The following UCHL5 variants were observed in gnomAD, a reference collection of about 807,000 sequenced individuals.
UCHL5 encodes the protein ubiquitin carboxyl-terminal hydrolase isozyme L5.
Under a neutral mutation model 53.8 loss-of-function variants are expected in UCHL5, and 34 were observed. That is an observed-to-expected ratio of 0.63 (90% CI 0.48 to 0.84). UCHL5 has a LOEUF of 0.84. Among genes scored for constraint, UCHL5 ranks in the 40% least tolerant of loss-of-function variants. The pLI, the probability that UCHL5 is intolerant of heterozygous loss-of-function variation, is 0.00. For missense variants in UCHL5, 290 were observed against 385.6 expected, an observed-to-expected ratio of 0.75 and a Z score of 2.08; for synonymous variants, 111 against 126.3, an observed-to-expected ratio of 0.88 and a Z score of 0.81.
At chr1:193,058,601 T>C (rs1671590159) in intron 1 of UCHL5, among the ~76,000 whole-genome samples, 1 of 152,194 alleles carries the variant, frequency 6.6e-6, no homozygotes, top group Admixed American at 6.5e-5. Context: ...AAGCCAGAAA[T>C]GAGCAGAGAG....
chr1:193,036,916 A>T (rs547187960), intron 3 of UCHL5, among the ~76,000 whole-genome samples: 2 of 152,234 alleles, frequency 1.3e-5, no homozygotes, highest in East Asian at 3.9e-4. Context: ...ATAGGCCAAT[A>T]AAGAAAATAA....
rs745405590 is a variant in UCHL5 at position 193,059,310 on chromosome 1, C to A, written c.-50G>T. On this transcript the variant is annotated 5_prime_UTR_variant, in exon 1 of 11. Coordinates refer to ENST00000367454, the MANE Select transcript of UCHL5 (RefSeq NM_001199261.3). This position sits in a 1 kb window ranked among gnomAD's most constrained non-coding sequence, Gnocchi z 4.9. ...TCCACCTCTCGCTCTCAGCTGCCCC[C>A]CGCACCAGCTGCCGCCGGCCACAGA... The A allele has an allele frequency of 1.2e-6, 2 of 1,609,724 alleles. No individual in the cohort carries two copies. The highest frequency in any genetic ancestry group is 8.5e-7 in the Non-Finnish European group (1 of 1,178,148).
intron 9 of UCHL5, 57 bp downstream of exon 9, chr1:193,022,869 C>G: frequency 8.0e-7 from 1 of 1,243,422 alleles, no homozygotes; most frequent in South Asian, 1.2e-5. Context: ...GTACCTTCAT[C>G]TTGAAATATA....
intron 3 of UCHL5, among the ~76,000 whole-genome samples, chr1:193,045,755 T>C (rs956004121): frequency 6.6e-6 from 1 of 152,258 alleles, no homozygotes; most frequent in African/African-American, 2.4e-5. Flanking sequence ...AGTGGTTATG[T>C]CTAAAGCAGA....
chr1:193,020,601 A>G, intron 10 of UCHL5: 1 of 1,046,420 alleles, frequency 9.6e-7, no homozygotes, highest in South Asian at 3.2e-5. Flanking sequence ...TATGAAAAAA[A>G]TCATAGAAAT....
At chr1:193,038,454 C>CAAA (rs35259109) in intron 3 of UCHL5, among the ~76,000 whole-genome samples, 1 of 70,928 alleles carries the variant, frequency 1.4e-5, no homozygotes. Flanking sequence ...GACTTCATCT[C>CAAA]AAAAAAAAAA....
chr1:193,027,992 T>C (rs1433830606), intron 7 of UCHL5, 93 bp downstream of exon 7: 3 of 1,566,746 alleles, frequency 1.9e-6, no homozygotes, highest in Admixed American at 4.3e-5. Context: ...AAGTAGATGT[T>C]CAATGCACAC....
chr1:193,059,777 G>A, upstream of UCHL5: 5 of 1,357,002 alleles, frequency 3.7e-6, no homozygotes, highest in South Asian at 5.8e-5. The surrounding 1 kb of genome is among the most constrained non-coding windows in gnomAD (Gnocchi z 4.9). Flanking sequence ...CCAGGTACAG[G>A]TGAGGACATT....
Position 193,028,122 on chromosome 1 carries a change from T to C in UCHL5, c.592A>G (p.Ser198Gly), listed in dbSNP as rs993773906. 4 of 1,604,788 alleles carry C rather than the reference T, an allele frequency of 2.5e-6. No homozygotes were observed. The highest frequency in any genetic ancestry group is 3.4e-6 in the Non-Finnish European group (4 of 1,176,922). The part of the protein sequence containing the change: ...LGACNQDDWI[S>G]AVRPVIEKRI... ...TTTTCTATGACAGGCCTTACTGCAC[T>C]GATCCAATCATCTTGATTGCATGCA... is the stretch of plus-strand genomic sequence containing the variant. The change falls in exon 7 of 11, where the codon AGT (serine) becomes GGT (glycine). Residue 198 changes from serine (S) to glycine (G), a missense_variant. Physicochemically the swap from Ser to Gly is moderately conservative, Grantham distance 56 (BLOSUM62 0). Transcript: ENST00000367454.
intron 7 of UCHL5, among the ~76,000 whole-genome samples, chr1:193,024,238 T>G (rs553433201): frequency 1.3e-5 from 2 of 150,450 alleles, no homozygotes; most frequent in African/African-American, 4.9e-5. Flanking sequence ...CAAGACCCTG[T>G]CTCTTAAAAA....
intron 3 of UCHL5, among the ~76,000 whole-genome samples, chr1:193,041,510 T>C (rs138008048): frequency 1.8e-3 from 275 of 152,266 alleles, no homozygotes; most frequent in African/African-American, 6.5e-3. Context: ...TTGTAACAAC[T>C]CCTACACATT....
chr1:193,021,851 A>G (rs928737275), intron 9 of UCHL5, among the ~76,000 whole-genome samples: 8 of 152,164 alleles, frequency 5.3e-5, no homozygotes, highest in Admixed American at 5.2e-4. Flanking sequence ...AATTAATTAA[A>G]TTAAAGCTTA....
chr1:193,027,950 C>A (rs1659947379), intron 7 of UCHL5, 135 bp downstream of exon 7: 2 of 1,486,364 alleles, frequency 1.3e-6, no homozygotes, highest in Non-Finnish European at 8.9e-7. Context: ...TGGTGAAAAC[C>A]CGTCTCTACG....
chr1:193,043,307 C>T (rs1418368584), intron 3 of UCHL5, among the ~76,000 whole-genome samples: 2 of 151,942 alleles, frequency 1.3e-5, no homozygotes, highest in African/African-American at 4.8e-5. Flanking sequence ...AGTTCAGCTA[C>T]ATTGGTCTTC....
At chr1:193,052,226 T>G (rs1345240875) in intron 1 of UCHL5, among the ~76,000 whole-genome samples, 1 of 152,114 alleles carries the variant, frequency 6.6e-6, no homozygotes, top group Non-Finnish European at 1.5e-5. Flanking sequence ...TCAAATCACA[T>G]CTTTAGTTCT....
intron 3 of UCHL5, among the ~76,000 whole-genome samples, chr1:193,035,541 C>G (rs967880859): frequency 3.3e-5 from 5 of 151,862 alleles, no homozygotes; most frequent in African/African-American, 1.2e-4. Context: ...CTTTCCCATA[C>G]AAAAGCTGAG....
intron 10 of UCHL5, chr1:193,020,518 C>T (rs1266842490): frequency 7.1e-7 from 1 of 1,408,796 alleles, no homozygotes; most frequent in Non-Finnish European, 9.3e-7. Flanking sequence ...CTTTCAGAAA[C>T]ACTGATTTAC....
At chr1:193,052,578 T>C (rs994552465) in intron 1 of UCHL5, among the ~76,000 whole-genome samples, 3 of 152,218 alleles carry the variant, frequency 2.0e-5, no homozygotes, top group African/African-American at 7.2e-5. Flanking sequence ...AATCGTGTAG[T>C]GGTTAAGAGC....
chr1:193,016,241 T>C lies in UCHL5; in HGVS notation c.*110A>G. The stretch of plus-strand genomic sequence containing the variant: ...TAAAGACAAGACAGGCTGGCACTAT[T>C]GCCAAACGTGCACTGAGCCAATTAG... On this transcript the variant is annotated 3_prime_UTR_variant, in exon 11 of 11. Transcript: ENST00000367454. 2 of 1,257,824 alleles carry C rather than the reference T, an allele frequency of 1.6e-6. No individual in the cohort carries two copies. The highest frequency in any genetic ancestry group is 2.2e-6 in the Non-Finnish European group (2 of 897,250). 77.9% of individuals were successfully genotyped at this position (1,257,824 alleles called of 1,614,324 possible). A position where few individuals can be genotyped will look rare whatever the true frequency, so the allele number is the denominator to read the frequency against.
Sources: gnomAD v4.1 joint callset for allele counts (sites outside exome capture counted in the v4.1 genomes callset) on GRCh38, gnomAD v4.1.1 for gene constraint, Gnocchi (gnomAD v3.1) non-coding constraint, MANE v1.5 for transcripts, NCBI Gene and HGNC (gene_info 2026-07-23, HGNC 2026-07-21) for gene names.